RAI14: variants seen among roughly 807,000 people sequenced by gnomAD.
RAI14 encodes the protein retinoic acid induced 14.
Under a neutral mutation model 115.4 loss-of-function variants are expected in RAI14, and 45 were observed. That is an observed-to-expected ratio of 0.39 (90% CI 0.31 to 0.50). RAI14 has a LOEUF of 0.50. Among genes scored for constraint, RAI14 ranks in the 20% least tolerant of loss-of-function variants. The pLI is 0.85. For synonymous variants in RAI14, 371 were observed against 415.4 expected (o/e 0.89, Z 1.30); for missense variants, 939 against 1,131.2 (o/e 0.83, Z 2.44).
At chr5:34,772,605 T>C (rs1188718972) in intron 3 of RAI14, among the ~76,000 whole-genome samples, 2 of 152,040 alleles carry the variant, frequency 1.3e-5, no homozygotes, top group African/African-American at 4.8e-5. Context: ...CTCAGATTGG[T>C]TTAGAAATGA....
chr5:34,689,713 A>T (rs1379642910), intron 2 of RAI14, among the ~76,000 whole-genome samples: 3 of 151,782 alleles, frequency 2.0e-5, no homozygotes, highest in Admixed American at 2.0e-4. Context: ...TCTGTACTAA[A>T]AATACAAAAT....
chr5:34,820,593 C>T (rs1756724014), intron 13 of RAI14, among the ~76,000 whole-genome samples: 2 of 152,172 alleles, frequency 1.3e-5, no homozygotes, highest in Admixed American at 6.5e-5. Flanking sequence ...GCTTGGGTGA[C>T]AGAGCAAGAC....
At chr5:34,785,499 T>C (rs558013635) in intron 3 of RAI14, among the ~76,000 whole-genome samples, 8 of 152,144 alleles carry the variant, frequency 5.3e-5, no homozygotes, top group Non-Finnish European at 1.0e-4. Flanking sequence ...AGGTTGTCCA[T>C]TGGGCCCTTC....
intron 3 of RAI14, among the ~76,000 whole-genome samples, chr5:34,783,305 A>T (rs1003745894): frequency 1.3e-5 from 2 of 152,136 alleles, no homozygotes; most frequent in African/African-American, 4.8e-5. Flanking sequence ...TGCTCATGAC[A>T]GTTGGGGTCC....
rs1412825238 is a variant in RAI14 at position 34,706,516 on chromosome 5, GA to G, written c.36+19562del. Among the ~76,000 whole-genome samples the G allele has an allele frequency of 1.6e-4, 25 of 152,248 alleles. No individual in the cohort carries two copies. The East Asian group carries it at 4.8e-3, about 29-fold the overall frequency. On this transcript the variant is annotated intron_variant, in intron 2 of 17. Transcript: ENST00000265109. ...CTAATGAATTTTAGGCTGATACTTA[GA>G]CATTCATGTTAACATTTGAAAATGA...
intron 11 of RAI14, 28 bp from the exon 12 acceptor site, chr5:34,814,555 A>G (rs12332660): frequency 0.06 from 92,948 of 1,537,858 alleles, 6,097 homozygotes; most frequent in African/African-American, 0.33. Context: ...ATTCTTTATT[A>G]ATGATTTTCA....
At chr5:34,667,711 G>C (rs1177557757) in intron 1 of RAI14, among the ~76,000 whole-genome samples, 1 of 152,126 alleles carries the variant, frequency 6.6e-6, no homozygotes, top group Non-Finnish European at 1.5e-5. Flanking sequence ...TATAGACTTG[G>C]ACAATTCACC....
rs557713999 is a variant in RAI14, at chr5:34,789,030, C to G, written c.168-6909C>G. ...AGTTTTATCAACTTACTGCCCTGGC[C>G]CCCTACCCCATCCTAATCTGTAGGC... On this transcript the variant is annotated intron_variant, in intron 3 of 17. Transcript: ENST00000265109. Among the ~76,000 whole-genome samples the G allele has an allele frequency of 2.0e-5, 3 of 152,268 alleles. No homozygotes were observed. In the East Asian group the frequency reaches 5.8e-4, roughly 29 times the overall value.
chr5:34,662,816 C>T (rs545885004), intron 1 of RAI14, among the ~76,000 whole-genome samples: 140 of 149,288 alleles, frequency 9.4e-4, no homozygotes, highest in Middle Eastern at 3.7e-3. Context: ...GCAACCTCCG[C>T]CTCTCAAGTT....
intron 1 of RAI14, among the ~76,000 whole-genome samples, chr5:34,682,316 C>G (rs948859490): frequency 1.3e-5 from 2 of 151,986 alleles, no homozygotes; most frequent in African/African-American, 2.4e-5. Context: ...GGTTGTGCAG[C>G]CATTACAGCA....
intron 3 of RAI14, among the ~76,000 whole-genome samples, chr5:34,782,415 A>G (rs546708852): frequency 1.1e-4 from 17 of 152,326 alleles, no homozygotes; most frequent in African/African-American, 3.8e-4. Flanking sequence ...TTGAAATCAC[A>G]GAGCTTTTAA....
intron 5 of RAI14, among the ~76,000 whole-genome samples, chr5:34,805,323 C>T (rs549294450): frequency 3.9e-5 from 6 of 152,226 alleles, no homozygotes; most frequent in African/African-American, 1.4e-4. Context: ...CAGTTCTTCA[C>T]CTCTTGTCTC....
chr5:34,661,030 C>G (rs888141902), intron 1 of RAI14, among the ~76,000 whole-genome samples: 9 of 152,198 alleles, frequency 5.9e-5, no homozygotes, highest in African/African-American at 2.2e-4. Context: ...AGGCACTTAC[C>G]ACCTTCTAGC....
intron 2 of RAI14, among the ~76,000 whole-genome samples, chr5:34,739,873 C>T (rs1258372961): frequency 6.6e-6 from 1 of 152,016 alleles, no homozygotes. Flanking sequence ...ACCAGCCTGA[C>T]CAACATGGTG....
intron 2 of RAI14, among the ~76,000 whole-genome samples, chr5:34,744,308 A>T (rs920376194): frequency 2.0e-5 from 3 of 152,202 alleles, no homozygotes; most frequent in Admixed American, 2.0e-4. Context: ...CTTGCTATTC[A>T]CAGAGGCCTT....
intron 2 of RAI14, among the ~76,000 whole-genome samples, chr5:34,692,519 G>A (rs1738761255): frequency 1.3e-5 from 2 of 152,112 alleles, no homozygotes; most frequent in South Asian, 2.1e-4. Flanking sequence ...GGGCGATAGA[G>A]CGAGACTCCA....
At chr5:34,766,397 C>T (rs1231528030) in intron 3 of RAI14, among the ~76,000 whole-genome samples, 1 of 152,196 alleles carries the variant, frequency 6.6e-6, no homozygotes, top group African/African-American at 2.4e-5. Flanking sequence ...GGGAGCCCAC[C>T]TCTTGCATCA....
intron 3 of RAI14, among the ~76,000 whole-genome samples, chr5:34,790,315 T>C (rs533362151): frequency 3.0e-4 from 45 of 152,360 alleles, no homozygotes; most frequent in African/African-American, 1.1e-3. Flanking sequence ...ATAAGTGCTT[T>C]CATAATACAC....
intron 1 of RAI14, among the ~76,000 whole-genome samples, chr5:34,658,354 C>T (rs73087300): frequency 0.019 from 2,928 of 152,296 alleles, 90 homozygotes; most frequent in African/African-American, 0.066. Flanking sequence ...CACGTACTAT[C>T]ACCTAGGCTT....
Sources: allele counts gnomAD v4.1 joint callset (sites outside exome capture counted in the v4.1 genomes callset), GRCh38; gene constraint gnomAD v4.1.1; transcripts MANE v1.5; gene names NCBI Gene and HGNC (gene_info 2026-07-23, HGNC 2026-07-21).